ADGRL3: variants seen among roughly 807,000 people sequenced by gnomAD.
ADGRL3 encodes adhesion G protein-coupled receptor L3, also known as calcium-independent alpha-latrotoxin receptor 3.
A neutral mutation model predicts 153.5 loss-of-function variants in ADGRL3; 62 were observed. That is an observed-to-expected ratio of 0.40 (90% CI 0.33 to 0.50). The LOEUF (loss-of-function observed/expected upper bound fraction) is 0.50, where lower values mean the gene tolerates loss of function less well. Ranked by LOEUF, ADGRL3 falls within the 20% of genes least tolerant of loss-of-function variation. ADGRL3 has a pLI of 0.47. For missense variants in ADGRL3, 1,641 were observed against 1,859.4 expected, an observed-to-expected ratio of 0.88 and a Z score of 2.16; for synonymous variants, 710 against 672.5, an observed-to-expected ratio of 1.06 and a Z score of -0.86.
chr4:61,556,719 T>C (rs1239362264), intron 4 of ADGRL3, among the ~76,000 whole-genome samples: 1 of 152,136 alleles, frequency 6.6e-6, no homozygotes, highest in Non-Finnish European at 1.5e-5. Context: ...TTAAAGCAGC[T>C]GGATGTAAAA....
intron 9 of ADGRL3, among the ~76,000 whole-genome samples, chr4:61,869,231 A>G (rs2098420841): frequency 6.6e-6 from 1 of 152,140 alleles, no homozygotes; most frequent in Non-Finnish European, 1.5e-5. Flanking sequence ...GGTGTGAGCC[A>G]CCATGCCCAG....
In ADGRL3 at chr4:61,556,231, T is replaced by A. The variant is rs80264755; in HGVS notation, c.260-30996T>A. Among the ~76,000 whole-genome samples the A allele has an allele frequency of 3.2e-3, 481 of 152,226 alleles. 4 individuals are homozygous for A. The highest frequency in any genetic ancestry group is 0.011 in the African/African-American group (455 of 41,542). On this transcript the variant is annotated intron_variant, in intron 4 of 26. Coordinates refer to ENST00000683033, the MANE Select transcript of ADGRL3 (RefSeq NM_001387552.1). ...GGGGAAGAAAGAATGGGATTGTTGATCTATTGGGAGTTTGCAAATATAAAG... is the reference window on the plus strand; with the variant it reads ...GGGGAAGAAAGAATGGGATTGTTGAACTATTGGGAGTTTGCAAATATAAAG...
At chr4:61,512,974 G>A (rs2098471551) in intron 3 of ADGRL3, among the ~76,000 whole-genome samples, 1 of 152,076 alleles carries the variant, frequency 6.6e-6, no homozygotes, top group African/African-American at 2.4e-5. Context: ...AAGACATGGT[G>A]AAATATAACC....
chr4:61,751,100 T>A (rs966823411), intron 8 of ADGRL3, among the ~76,000 whole-genome samples: 1 of 152,162 alleles, frequency 6.6e-6, no homozygotes, highest in Non-Finnish European at 1.5e-5. Context: ...ATGCAAGGGA[T>A]CTAGATTATG....
chr4:61,959,934 A>G (rs1286501538), intron 17 of ADGRL3, among the ~76,000 whole-genome samples: 2 of 152,194 alleles, frequency 1.3e-5, no homozygotes, highest in East Asian at 3.9e-4. Flanking sequence ...AATCATAGCT[A>G]ATACTTTAGT....
intron 25 of ADGRL3, among the ~76,000 whole-genome samples, chr4:62,051,945 G>A (rs1440478585): frequency 1.3e-5 from 2 of 151,652 alleles, no homozygotes; most frequent in Non-Finnish European, 3.0e-5. Flanking sequence ...TTCCAACTTA[G>A]GAGTTGCTGG....
At chr4:61,991,243 A>T (rs981097868) in intron 19 of ADGRL3, among the ~76,000 whole-genome samples, 1 of 151,944 alleles carries the variant, frequency 6.6e-6, no homozygotes, top group Admixed American at 6.6e-5. Flanking sequence ...AGTAGCGATT[A>T]CAATTCTTGT....
At chr4:61,391,852 CTACTTTTTTTTT>C (rs1292025893) in intron 2 of ADGRL3, among the ~76,000 whole-genome samples, 1 of 109,616 alleles carries the variant, frequency 9.1e-6, no homozygotes, top group Admixed American at 1.0e-4. Flanking sequence ...GTGAAAAATG[CTACTTTTTTTTT>C]TTTTTTTTTT....
chr4:61,603,748 T>A (rs2099021366), intron 5 of ADGRL3, among the ~76,000 whole-genome samples: 1 of 152,020 alleles, frequency 6.6e-6, no homozygotes, highest in Admixed American at 6.6e-5. Flanking sequence ...GTTTGTTTGT[T>A]TGTTTTCCCT....
rs534404895 is a variant in ADGRL3, at chr4:61,430,666, A to G, written c.-174+47477A>G. On this transcript the variant is annotated intron_variant, in intron 2 of 26. Coordinates refer to ENST00000683033, the MANE Select transcript of ADGRL3 (RefSeq NM_001387552.1). ...TGAGAAACAAATATACATAAATAAA[A>G]CTTGACAAAATATACCTAATTTCTT... Among the ~76,000 whole-genome samples, 171 of 152,278 alleles carry G rather than the reference A, an allele frequency of 1.1e-3. 3 individuals are homozygous for G. The highest frequency in any genetic ancestry group is 6.8e-3 in the Middle Eastern group (2 of 294).
intron 1 of ADGRL3, among the ~76,000 whole-genome samples, chr4:61,203,015 C>A (rs874859): frequency 0.014 from 2,154 of 152,268 alleles, 61 homozygotes; most frequent in African/African-American, 0.048. Flanking sequence ...TTGCCGTGTC[C>A]CCTTCCCCTG....
chr4:61,795,524 G>A (rs2097399781), intron 8 of ADGRL3, among the ~76,000 whole-genome samples: 1 of 152,022 alleles, frequency 6.6e-6, no homozygotes, highest in Non-Finnish European at 1.5e-5. Context: ...CAAATCATTT[G>A]AACTCATTTC....
At chr4:61,446,301 A>T (rs2097581427) in intron 2 of ADGRL3, among the ~76,000 whole-genome samples, 1 of 152,158 alleles carries the variant, frequency 6.6e-6, no homozygotes, top group Non-Finnish European at 1.5e-5. Flanking sequence ...TCCACTTCAG[A>T]CTTGTCTAAT....
At chr4:61,603,419 G>A (rs1427681271) in intron 5 of ADGRL3, among the ~76,000 whole-genome samples, 1 of 152,116 alleles carries the variant, frequency 6.6e-6, no homozygotes. Context: ...CAGCTTAGGA[G>A]TTTAGAAAAC....
intron 8 of ADGRL3, among the ~76,000 whole-genome samples, chr4:61,759,343 C>G (rs1243447583): frequency 6.6e-6 from 1 of 152,072 alleles, no homozygotes; most frequent in Non-Finnish European, 1.5e-5. Context: ...TCACATAGTC[C>G]CATATTTCTT....
At chr4:61,674,554 G>T (rs989890665) in intron 5 of ADGRL3, among the ~76,000 whole-genome samples, 6 of 151,658 alleles carry the variant, frequency 4.0e-5, no homozygotes, top group Admixed American at 2.6e-4. Context: ...TCACACATCA[G>T]AATTAATATT....
chr4:61,803,476 A>G (rs1459665023), intron 8 of ADGRL3, among the ~76,000 whole-genome samples: 1 of 152,096 alleles, frequency 6.6e-6, no homozygotes, highest in African/African-American at 2.4e-5. Context: ...CATCTATGAC[A>G]TAGAGCTCTA....
At chr4:61,894,272 T>TAGAA (rs2098610359) in intron 10 of ADGRL3, among the ~76,000 whole-genome samples, 1 of 152,308 alleles carries the variant, frequency 6.6e-6, no homozygotes, top group South Asian at 2.1e-4. Context: ...AAGTTTTTCT[T>TAGAA]AGAAAGTTCT....
intron 1 of ADGRL3, among the ~76,000 whole-genome samples, chr4:61,219,960 T>A (rs1254316654): frequency 1.3e-5 from 2 of 151,884 alleles, no homozygotes; most frequent in Non-Finnish European, 2.9e-5. Context: ...ATGCAAAAAT[T>A]AGGCGGGCGT....
Sources: gnomAD v4.1 joint callset for allele counts (sites outside exome capture counted in the v4.1 genomes callset) on GRCh38, gnomAD v4.1.1 for gene constraint, MANE v1.5 for transcripts, NCBI Gene and HGNC (gene_info 2026-07-23, HGNC 2026-07-21) for gene names.